MAP2: variants seen among roughly 807,000 people sequenced by gnomAD.
MAP2 encodes the protein microtubule-associated protein 2.
Under a neutral mutation model 137.6 loss-of-function variants are expected in MAP2, and 14 were observed. That is an observed-to-expected ratio of 0.10 (90% CI 0.07 to 0.16). The LOEUF (loss-of-function observed/expected upper bound fraction) is 0.16, where lower values mean the gene tolerates loss of function less well. Among genes scored for constraint, MAP2 ranks in the 10% least tolerant of loss-of-function variants. The pLI is 1.00. For synonymous variants in MAP2, 786 were observed against 782.3 expected (o/e 1.00, Z -0.08); for missense variants, 2,088 against 2,191.5 (o/e 0.95, Z 0.94).
intron 3 of MAP2, among the ~76,000 whole-genome samples, chr2:209,603,591 A>G (rs1240470299): frequency 3.3e-5 from 5 of 152,114 alleles, no homozygotes; most frequent in African/African-American, 1.2e-4. Flanking sequence ...TACTCAATAG[A>G]TGTTAATAGC....
At chr2:209,626,374 A>G (rs370754375) in intron 4 of MAP2, among the ~76,000 whole-genome samples, 11 of 152,144 alleles carry the variant, frequency 7.2e-5, no homozygotes, top group Admixed American at 1.3e-4. Flanking sequence ...AGATCACAAC[A>G]TTGCACTCCA....
At chr2:209,443,909 G>A (rs776308646) in intron 1 of MAP2, among the ~76,000 whole-genome samples, 1 of 151,596 alleles carries the variant, frequency 6.6e-6, no homozygotes, top group Non-Finnish European at 1.5e-5. Flanking sequence ...CCATGGGGCT[G>A]TTTCCACACT....
At chr2:209,504,266 T>TAA (rs11389534) in intron 1 of MAP2, among the ~76,000 whole-genome samples, 37 of 149,534 alleles carry the variant, frequency 2.5e-4, no homozygotes, top group East Asian at 7.9e-4. Context: ...AACTGAACTT[T>TAA]AAAAAAAAAA....
chr2:209,695,155 C>A lies in MAP2; in HGVS notation c.2985C>A (p.Thr995=). Residue 995 remains threonine (T), a synonymous_variant, in exon 8 of 16, where the codon ACC becomes ACA. Coordinates refer to ENST00000682079, the MANE Select transcript of MAP2 (RefSeq NM_001375505.1). ...TAGAAACATTCGGATTAGGAGTAAC[C>A]TATGAGCAAGCTTTGGCCAAAGATT... The part of the protein sequence containing the change: ...DEIETFGLGV[T]YEQALAKDLS... 4 of 1,614,114 alleles carry A rather than the reference C, an allele frequency of 2.5e-6. No homozygotes were observed. The highest frequency in any genetic ancestry group is 3.4e-6 in the Non-Finnish European group (4 of 1,180,010).
chr2:209,497,403 A>G (rs766160358), intron 1 of MAP2, among the ~76,000 whole-genome samples: 17 of 152,216 alleles, frequency 1.1e-4, no homozygotes, highest in Non-Finnish European at 2.1e-4. Context: ...CCATGTTGGC[A>G]TGTGATCTCA....
chr2:209,575,343 A>G (rs1380386750), intron 2 of MAP2, among the ~76,000 whole-genome samples: 1 of 151,904 alleles, frequency 6.6e-6, no homozygotes, highest in Non-Finnish European at 1.5e-5. Context: ...AACACAGTGA[A>G]ACCCCGTCTC....
chr2:209,630,081 T>C (rs2092819789), intron 4 of MAP2, among the ~76,000 whole-genome samples: 1 of 152,160 alleles, frequency 6.6e-6, no homozygotes, highest in Admixed American at 6.5e-5. Flanking sequence ...CTTAGAATTT[T>C]TAAAAATGGT....
At chr2:209,593,706 A>G (rs866657010) in intron 3 of MAP2, among the ~76,000 whole-genome samples, 4 of 88,214 alleles carry the variant, frequency 4.5e-5, no homozygotes, top group African/African-American at 1.8e-4. Flanking sequence ...ATTATATTAT[A>G]TTTTATATTA....
intron 2 of MAP2, among the ~76,000 whole-genome samples, chr2:209,559,259 A>G (rs184833747): frequency 6.0e-4 from 91 of 151,856 alleles, no homozygotes; most frequent in Non-Finnish European, 1.0e-3. Flanking sequence ...GAGTATCTCT[A>G]TAGCCTCATG....
At chr2:209,481,576 G>A (rs774598672) in intron 1 of MAP2, among the ~76,000 whole-genome samples, 18 of 152,150 alleles carry the variant, frequency 1.2e-4, no homozygotes, top group Non-Finnish European at 2.4e-4. Context: ...GGCTGGGGTA[G>A]GATTGGACTG....
intron 2 of MAP2, among the ~76,000 whole-genome samples, chr2:209,529,547 T>C (rs75027179): frequency 0.028 from 4,194 of 152,180 alleles, 189 homozygotes; most frequent in African/African-American, 0.095. Context: ...TGGGTCTGAT[T>C]ATCACAAATG....
At chr2:209,520,067 G>A (rs1439372721) in intron 2 of MAP2, among the ~76,000 whole-genome samples, 1 of 152,062 alleles carries the variant, frequency 6.6e-6, no homozygotes, top group Non-Finnish European at 1.5e-5. Flanking sequence ...CTCATTCAGT[G>A]CTCATTCAAA....
chr2:209,722,378 C>A (rs1316051999), intron 13 of MAP2, among the ~76,000 whole-genome samples: 3 of 152,200 alleles, frequency 2.0e-5, no homozygotes, highest in East Asian at 3.9e-4. Flanking sequence ...GATTCAATGT[C>A]TTTTTGAATT....
At chr2:209,705,786 T>C in intron 12 of MAP2, 59 bp downstream of exon 12, 1 of 1,306,800 alleles carries the variant, frequency 7.7e-7, no homozygotes, top group Non-Finnish European at 1.1e-6. Context: ...TTAAGTGGAA[T>C]AGCACTTATA....
intron 3 of MAP2, among the ~76,000 whole-genome samples, chr2:209,598,148 G>C (rs910558082): frequency 1.3e-5 from 2 of 152,086 alleles, no homozygotes; most frequent in Non-Finnish European, 2.9e-5. Context: ...TGGGACTGTA[G>C]GCACCCACCA....
intron 1 of MAP2, among the ~76,000 whole-genome samples, chr2:209,425,051 T>C (rs1314655856): frequency 6.6e-6 from 1 of 152,028 alleles, no homozygotes; most frequent in African/African-American, 2.4e-5. Context: ...GGATGGAAAT[T>C]TCAAGAAAGA....
intron 1 of MAP2, among the ~76,000 whole-genome samples, chr2:209,500,374 T>C (rs1322890627): frequency 6.6e-6 from 1 of 152,206 alleles, no homozygotes; most frequent in East Asian, 1.9e-4. Flanking sequence ...AAACACCCCC[T>C]GGGCTTTGAT....
In MAP2 at chr2:209,693,422, G is replaced by A. The variant is rs1424878892; in HGVS notation, c.1252G>A (p.Glu418Lys). Residue 418 changes from glutamate to lysine, a missense_variant, in exon 8 of 16, where the codon GAG (glutamate) becomes AAG (lysine). Physicochemically the swap from Glu to Lys is moderately conservative, Grantham distance 56. Around this residue, in one of 6 missense-constraint regions of MAP2, gnomAD observed 859 missense variants for 794.5 expected, o/e 1.08. Transcript: ENST00000682079. ...LEEEKEAINQ[E>K]TVQQRDTFTP... ...GGAAGAAAAGGAGGCCATAAATCAA[G>A]AGACTGTGCAGCAAAGGGATACTTT... 1 of 1,613,596 alleles carries A rather than the reference G, an allele frequency of 6.2e-7. No individual in the cohort carries two copies. Among genetic ancestry groups the A allele is most frequent in the East Asian group, 2.2e-5 (1 of 44,878 alleles).
chr2:209,494,013 G>A (rs1158021213), intron 1 of MAP2, among the ~76,000 whole-genome samples: 1 of 152,136 alleles, frequency 6.6e-6, no homozygotes, highest in African/African-American at 2.4e-5. Context: ...CTTCACAATA[G>A]CAAAGACTTG....
Sources: allele counts gnomAD v4.1 joint callset (sites outside exome capture counted in the v4.1 genomes callset), GRCh38; gene constraint gnomAD v4.1.1; regional missense constraint gnomAD v4.1.1; transcripts MANE v1.5; gene names NCBI Gene and HGNC (gene_info 2026-07-23, HGNC 2026-07-21).